The following TRMT10A variants were observed in gnomAD, a reference collection of about 807,000 sequenced individuals.
TRMT10A encodes the protein tRNA methyltransferase 10 homolog A.
TRMT10A carries 37 observed loss-of-function variants against 40.4 expected under a neutral mutation model. That is an observed-to-expected ratio of 0.92 (90% CI 0.71 to 1.21). TRMT10A has a LOEUF of 1.21. Among genes scored for constraint, TRMT10A ranks in the 50% most tolerant of loss-of-function variants. The pLI is 0.00. For synonymous variants in TRMT10A, 103 were observed against 134.1 expected (o/e 0.77, Z 1.60); for missense variants, 388 against 404.3 (o/e 0.96, Z 0.35).
At chr4:99,549,568 T>G (rs1441566144) in intron 7 of TRMT10A, among the ~76,000 whole-genome samples, 1 of 152,140 alleles carries the variant, frequency 6.6e-6, no homozygotes, top group Admixed American at 6.5e-5. Flanking sequence ...TCAGTTCAGT[T>G]CTTAAGCACT....
At chr4:99,558,352 A>AC in intron 2 of TRMT10A, 141 bp from the exon 3 acceptor site, 3 of 749,928 alleles carry the variant, frequency 4.0e-6, no homozygotes, top group Non-Finnish European at 6.2e-6. Flanking sequence ...AAAAATGGTC[A>AC]AGTATTAGCA....
intron 5 of TRMT10A, among the ~76,000 whole-genome samples, chr4:99,555,225 A>G (rs990064134): frequency 6.6e-6 from 1 of 152,264 alleles, no homozygotes; most frequent in African/African-American, 2.4e-5. Flanking sequence ...AATATACTGT[A>G]CTTAAAAACT....
chr4:99,557,488 T>C (rs1724210267), intron 3 of TRMT10A, 72 bp from the exon 4 acceptor site: 8 of 1,353,590 alleles, frequency 5.9e-6, no homozygotes, highest in South Asian at 1.2e-5. Flanking sequence ...CTTAAAGGAA[T>C]GGAATAAGCA....
chr4:99,551,818 A>C (rs1723975832), intron 6 of TRMT10A, among the ~76,000 whole-genome samples: 1 of 152,104 alleles, frequency 6.6e-6, no homozygotes, highest in Admixed American at 6.6e-5. Context: ...TAGAGGTAGA[A>C]GACAGTGATT....
At chr4:99,553,441 T>A (rs1030032833) in intron 6 of TRMT10A, among the ~76,000 whole-genome samples, 2 of 152,194 alleles carry the variant, frequency 1.3e-5, no homozygotes, top group Admixed American at 1.3e-4. Context: ...GAATCTTCTA[T>A]CAGTAAAGCA....
chr4:99,549,729 G>A (rs185761641), intron 7 of TRMT10A, among the ~76,000 whole-genome samples: 4 of 152,046 alleles, frequency 2.6e-5, no homozygotes, highest in Admixed American at 1.3e-4. Context: ...TTCCTGTAAA[G>A]AGCCACTCAC....
intron 4 of TRMT10A, 82 bp downstream of exon 4, chr4:99,557,263 A>AAGACTAT (rs1173383507): frequency 4.3e-6 from 6 of 1,390,712 alleles, no homozygotes; most frequent in Non-Finnish European, 5.9e-6. Context: ...GACTACTGCA[A>AAGACTAT]AGACTATAGG....
At chr4:99,562,549 G>A (rs1283073671) in intron 1 of TRMT10A, among the ~76,000 whole-genome samples, 18 of 120,240 alleles carry the variant, frequency 1.5e-4, no homozygotes, top group Admixed American at 1.1e-3. Flanking sequence ...TTTTTGAGAG[G>A]GAGTCTTGCT....
intron 1 of TRMT10A, chr4:99,563,700 G>C (rs1578221088): frequency 2.7e-6 from 1 of 368,750 alleles, no homozygotes; most frequent in East Asian, 7.2e-5. Flanking sequence ...GCTGTCTCTG[G>C]CGAACCAGGG....
intron 1 of TRMT10A, 117 bp downstream of exon 1, chr4:99,563,796 T>A (rs777541721): frequency 5.1e-6 from 3 of 583,340 alleles, no homozygotes; most frequent in South Asian, 1.5e-5. Flanking sequence ...TCCACACCAC[T>A]GCTCCCCTCT....
intron 6 of TRMT10A, among the ~76,000 whole-genome samples, chr4:99,552,234 CACTT>C (rs750333642): frequency 5.9e-5 from 9 of 152,296 alleles, no homozygotes; most frequent in South Asian, 2.1e-4. Context: ...ATTTGCCACT[CACTT>C]ACTGACTCAC....
intron 6 of TRMT10A, among the ~76,000 whole-genome samples, chr4:99,552,350 T>C (rs1020332838): frequency 6.6e-6 from 1 of 152,188 alleles, no homozygotes; most frequent in Non-Finnish European, 1.5e-5. Context: ...TCATCTATGT[T>C]TAAATATGTT....
intron 1 of TRMT10A, among the ~76,000 whole-genome samples, chr4:99,561,936 T>C (rs535031824): frequency 2.0e-5 from 3 of 152,144 alleles, no homozygotes; most frequent in African/African-American, 4.8e-5. Context: ...TCCCAACACT[T>C]TGGGAGGCTG....
At chr4:99,554,361 C>T (rs1361956026) in intron 5 of TRMT10A, among the ~76,000 whole-genome samples, 1 of 152,158 alleles carries the variant, frequency 6.6e-6, no homozygotes, top group Non-Finnish European at 1.5e-5. Context: ...CACATATTTG[C>T]TCACATTGTT....
chr4:99,557,300 G>C (rs781746407), intron 4 of TRMT10A, 45 bp downstream of exon 4: 1 of 1,547,648 alleles, frequency 6.5e-7, no homozygotes, highest in South Asian at 1.2e-5. Context: ...TGCCACAAAA[G>C]ACATAAAAGA....
Position 99,559,163 on chromosome 4 carries a change from T to C in TRMT10A, c.176A>G (p.Glu59Gly). The C allele has an allele frequency of 6.2e-7, 1 of 1,612,078 alleles. No homozygotes were observed. The highest frequency in any genetic ancestry group is 8.5e-7 in the Non-Finnish European group (1 of 1,178,822). ...IKQKQWEEQR[E>G]LRKQKRKEKR... ...ATTTTGAAACACATACTTGCGGAGT[T>C]CCCGTTGCTCTTCCCATTGTTTCTG... The change falls in exon 2 of 8, where the codon GAA becomes GGA. Residue 59 changes from glutamate (E) to glycine (G), a missense_variant. Physicochemically the swap from Glu to Gly is moderately conservative, Grantham distance 98. Transcript: ENST00000394876.
At chr4:99,556,383 A>G (rs1724162000) in intron 4 of TRMT10A, among the ~76,000 whole-genome samples, 163 bp from the exon 5 acceptor site, 1 of 152,164 alleles carries the variant, frequency 6.6e-6, no homozygotes, top group South Asian at 2.1e-4. Flanking sequence ...CAAACAATAA[A>G]CTGTGGTAGA....
chr4:99,555,574 T>C (rs1177593383), intron 5 of TRMT10A, among the ~76,000 whole-genome samples: 1 of 152,222 alleles, frequency 6.6e-6, no homozygotes, highest in Non-Finnish European at 1.5e-5. Context: ...ATTTTATTAA[T>C]ACAGTATACC....
In TRMT10A at chr4:99,558,092, C is replaced by T. The variant is rs200262045; in HGVS notation, c.305G>A (p.Arg102His). 2.7e-5 allele frequency: 44 copies of T among 1,610,744 alleles called. No individual in the cohort carries two copies. Among genetic ancestry groups the T allele is most frequent in the Middle Eastern group, 1.6e-4 (1 of 6,076 alleles). ...ATCAAAACTACAGTCAATAATAAGG[C>T]GAAGGGTGCTATGAACAACATCTCT... Reference protein sequence around the residue: ...VRRDVVHSTLRLIIDCSFDHL... With the variant: ...VRRDVVHSTLHLIIDCSFDHL... The change falls in exon 3 of 8, where the codon CGC (arginine) becomes CAC (histidine). Residue 102 changes from arginine to histidine, a missense_variant. Physicochemically the swap from Arg to His is conservative, Grantham distance 29. Transcript: ENST00000394876.
Sources: gnomAD v4.1 joint callset for allele counts (sites outside exome capture counted in the v4.1 genomes callset) on GRCh38, gnomAD v4.1.1 for gene constraint, MANE v1.5 for transcripts, NCBI Gene and HGNC (gene_info 2026-07-23, HGNC 2026-07-21) for gene names.